The following GSG1 variants were observed in gnomAD, a reference collection of about 807,000 sequenced individuals.
GSG1 encodes germ cell associated 1, also known as germ cell-specific gene 1 protein.
GSG1 carries 28 observed loss-of-function variants against 30.8 expected under a neutral mutation model. That is an observed-to-expected ratio of 0.91 (90% CI 0.67 to 1.25). The LOEUF is 1.25. Ranked by LOEUF, GSG1 falls within the 50% of genes most tolerant of loss-of-function variation. The probability of loss-of-function intolerance (pLI) is 0.00; values close to 1 mark genes in which losing one functional copy is unlikely to be tolerated. For synonymous variants in GSG1, 162 were observed against 178.0 expected (o/e 0.91, Z 0.71); for missense variants, 435 against 444.7 (o/e 0.98, Z 0.20).
chr12:13,097,733 A>G (rs530382184), intron 1 of GSG1, among the ~76,000 whole-genome samples: 1 of 152,278 alleles, frequency 6.6e-6, no homozygotes, highest in East Asian at 1.9e-4. Flanking sequence ...GAAAGTTCTT[A>G]ATATATACCC....
intron 2 of GSG1, 160 bp from the exon 3 acceptor site, chr12:13,089,436 C>T (rs935270204): frequency 3.7e-5 from 47 of 1,262,954 alleles, no homozygotes; most frequent in Non-Finnish European, 4.6e-5. Flanking sequence ...CTTCCCAGGC[C>T]GGTCACCTTT....
Position 13,084,488 on chromosome 12 carries a change from C to T in GSG1, c.*413G>A, listed in dbSNP as rs1473299500. 2 of 166,596 alleles carry T rather than the reference C, an allele frequency of 1.2e-5. No individual in the cohort carries two copies. Among genetic ancestry groups the T allele is most frequent in the Non-Finnish European group, 2.6e-5 (2 of 75,806 alleles). The allele number at this position is 166,596 out of a possible 1,614,324, so 10.3% of individuals were successfully genotyped here. On this transcript the variant is annotated 3_prime_UTR_variant, in exon 7 of 7. Coordinates refer to ENST00000651961, the MANE Select transcript of GSG1 (RefSeq NM_001080555.4). ...CATCTGTGACTTCCAGAACAATTCG[C>T]GCGTACCATGGAAAGTTGAGCCACA...
At chr12:13,086,823 G>A (rs1225560088) in intron 6 of GSG1, among the ~76,000 whole-genome samples, 5 of 152,038 alleles carry the variant, frequency 3.3e-5, no homozygotes, top group Non-Finnish European at 7.4e-5. Context: ...AAAAAAAAGA[G>A]CACATTTCTA....
chr12:13,085,109 T>C lies in GSG1; in HGVS notation c.881A>G (p.His294Arg). 1 of 1,613,992 alleles carries C rather than the reference T, an allele frequency of 6.2e-7. No individual in the cohort carries two copies. Among genetic ancestry groups the C allele is most frequent in the Non-Finnish European group, 8.5e-7 (1 of 1,179,988 alleles). ...CAGCCGCCGAGGGAAACACTGATGG[T>C]GATGTGGTAGGCAGTTCGGGTTTTC... The part of the protein sequence containing the change: ...FKENPNCLPH[H>R]HQCFPRRLSS... Residue 294 changes from histidine to arginine, a missense_variant, in exon 7 of 7, where the codon CAC becomes CGC. By Grantham distance (29) the His-to-Arg change is conservative (BLOSUM62 0). Transcript: ENST00000651961.
intron 1 of GSG1, among the ~76,000 whole-genome samples, chr12:13,091,287 T>C (rs1866112662): frequency 6.6e-6 from 1 of 152,228 alleles, no homozygotes; most frequent in Admixed American, 6.5e-5. Context: ...TGTGTGACTG[T>C]AGGTCATAAG....
chr12:13,100,716 T>G (rs1275334142), intron 1 of GSG1, among the ~76,000 whole-genome samples: 1 of 152,178 alleles, frequency 6.6e-6, no homozygotes, highest in Non-Finnish European at 1.5e-5. Context: ...CATTTTCACA[T>G]TTGTTTCCCA....
chr12:13,090,076 G>A (rs1240204894), intron 2 of GSG1, among the ~76,000 whole-genome samples: 1 of 152,178 alleles, frequency 6.6e-6, no homozygotes, highest in East Asian at 1.9e-4. Flanking sequence ...GAAGTTACTT[G>A]TATGAGGTCA....
chr12:13,089,316 A>AT lies in GSG1; in HGVS notation c.365-41dup, dbSNP rs747639565. Reference sequence around the variant, plus strand: ...AATAAATATAAATGTAAATACACACATTTTTTTAATTCCTCTTCCATCTCG... The same window carrying AT: ...AATAAATATAAATGTAAATACACACATTTTTTTTAATTCCTCTTCCATCTCG... On this transcript the variant is annotated intron_variant, in intron 2 of 6. Transcript: ENST00000651961. 9.7e-6 allele frequency: 15 copies of AT among 1,549,824 alleles called. 1 individual carries two copies. Among genetic ancestry groups the AT allele is most frequent in the African/African-American group, 9.6e-5 (7 of 72,996 alleles).
rs979825072 is a variant in GSG1, at chr12:13,101,494, A to G, written c.48+1971T>C. On this transcript the variant is annotated intron_variant, in intron 1 of 6. Coordinates refer to ENST00000651961, the MANE Select transcript of GSG1 (RefSeq NM_001080555.4). The surrounding 1 kb of genome is among the most constrained non-coding windows in gnomAD (Gnocchi z 5.8). ...CGGTGTCCCGGGGGCCCTCCCAGAG[A>G]GCAGGGACTGCCAGGGCAGGCCAGG... is the stretch of plus-strand genomic sequence containing the variant. 6.6e-6 allele frequency among the ~76,000 whole-genome samples: 1 copy of G among 152,028 alleles called. No homozygotes were observed. The highest frequency in any genetic ancestry group is 1.5e-5 in the Non-Finnish European group (1 of 67,986).
intron 1 of GSG1, among the ~76,000 whole-genome samples, chr12:13,099,288 G>A (rs948193927): frequency 2.0e-5 from 3 of 152,212 alleles, no homozygotes; most frequent in Admixed American, 6.5e-5. Flanking sequence ...AACAGAAGAA[G>A]TAATTGCTAG....
chr12:13,087,214 C>T lies in GSG1; in HGVS notation c.684G>A (p.Ala228=), dbSNP rs747128004. The T allele has an allele frequency of 1.9e-5, 30 of 1,614,128 alleles. No individual in the cohort carries two copies. The highest frequency in any genetic ancestry group is 5.5e-5 in the South Asian group (5 of 91,076). ...AGTCTTCTGGACCCAAGTTGACAGTCGCTTGGAAGACTTGTGAATACATCA... is the reference window on the plus strand; with the variant it reads ...AGTCTTCTGGACCCAAGTTGACAGTTGCTTGGAAGACTTGTGAATACATCA... ...AHMMYSQVFQ[A]TVNLGPEDWR... is the part of the protein sequence containing the mutation. The change falls in exon 6 of 7, where the codon GCG becomes GCA. Residue 228 remains alanine, a synonymous_variant. Transcript: ENST00000651961.
intron 1 of GSG1, among the ~76,000 whole-genome samples, chr12:13,097,619 T>C (rs913958005): frequency 6.6e-6 from 1 of 152,000 alleles, no homozygotes; most frequent in Non-Finnish European, 1.5e-5. Context: ...TCTGATGAAC[T>C]GAGTTCAGAA....
At position 13,090,543 on chromosome 12, in the gene GSG1, ACTCCGGAAG is replaced by A; in HGVS notation, c.315_323del (p.Phe106_Ser108del). ...TTTCCTCACAGGATAGCCACATGCCACTCCGGAAGCTCCGGAAGGAGAACCGGTCATCCC... is the reference window on the plus strand; with the variant it reads ...TTTCCTCACAGGATAGCCACATGCCACTCCGGAAGGAGAACCGGTCATCCC... On this transcript the variant is annotated inframe_deletion, in exon 2 of 7. Coordinates refer to ENST00000651961, the MANE Select transcript of GSG1 (RefSeq NM_001080555.4). 1 of 1,613,966 alleles carries A rather than the reference ACTCCGGAAG, an allele frequency of 6.2e-7. No individual in the cohort carries two copies. Among genetic ancestry groups the A allele is most frequent in the African/African-American group, 1.3e-5 (1 of 75,014 alleles).
At chr12:13,090,453 C>T (rs369697259) in intron 2 of GSG1, 50 bp downstream of exon 2, 7 of 1,533,326 alleles carry the variant, frequency 4.6e-6, no homozygotes, top group Non-Finnish European at 6.2e-6. Flanking sequence ...TGCATTAGAT[C>T]CCTTGCCCGC....
At position 13,103,594 on chromosome 12, in the gene GSG1, C is replaced by T. The variant is rs578031653; in HGVS notation, c.-82G>A. The T allele has an allele frequency of 9.5e-6, 14 of 1,471,686 alleles. No homozygotes were observed. Among genetic ancestry groups the T allele is most frequent in the African/African-American group, 6.9e-5 (5 of 72,208 alleles). 91.2% of individuals were successfully genotyped at this position (1,471,686 alleles called of 1,614,324 possible). A position where few individuals can be genotyped will look rare whatever the true frequency, so the allele number is the denominator to read the frequency against. On this transcript the variant is annotated 5_prime_UTR_variant, in exon 1 of 7. Transcript: ENST00000651961. ...TCAGTTGGGTAGAATGAGTGTTTAG[C>T]GTGAGGATGAATCAGGTCCCCTCTT...
intron 6 of GSG1, among the ~76,000 whole-genome samples, chr12:13,086,939 C>T (rs1359402879): frequency 6.6e-6 from 1 of 152,178 alleles, no homozygotes; most frequent in Non-Finnish European, 1.5e-5. Context: ...ATAACATCCT[C>T]CCAAGACACA....
chr12:13,089,603 A>G (rs1401346188), intron 2 of GSG1, among the ~76,000 whole-genome samples: 14 of 152,130 alleles, frequency 9.2e-5, no homozygotes, highest in Admixed American at 9.2e-4. Flanking sequence ...CTCTTACATG[A>G]TCAGTTACCC....
chr12:13,096,473 C>CA (rs775026265), intron 1 of GSG1, among the ~76,000 whole-genome samples: 4,360 of 73,630 alleles, frequency 0.059, 350 homozygotes, highest in East Asian at 0.41. Flanking sequence ...GACTCTGTCT[C>CA]AAAAAAAAAA....
At chr12:13,089,767 T>C (rs754948609) in intron 2 of GSG1, among the ~76,000 whole-genome samples, 1 of 152,214 alleles carries the variant, frequency 6.6e-6, no homozygotes, top group Non-Finnish European at 1.5e-5. Context: ...AACGAAGTTA[T>C]AGGCTGGGCA....
Sources: gnomAD v4.1 joint callset for allele counts (sites outside exome capture counted in the v4.1 genomes callset) on GRCh38, gnomAD v4.1.1 for gene constraint, Gnocchi (gnomAD v3.1) non-coding constraint, MANE v1.5 for transcripts, NCBI Gene and HGNC (gene_info 2026-07-23, HGNC 2026-07-21) for gene names.